KIAA0753: variants seen among roughly 807,000 people sequenced by gnomAD.
KIAA0753 encodes the protein protein moonraker.
KIAA0753 carries 114 observed loss-of-function variants against 116.9 expected under a neutral mutation model. That is an observed-to-expected ratio of 0.98 (90% CI 0.84 to 1.14). KIAA0753 has a LOEUF of 1.14. KIAA0753 is among the 50% of genes most tolerant of loss of function. KIAA0753 has a pLI of 0.00. For synonymous variants in KIAA0753, 405 were observed against 413.1 expected, an observed-to-expected ratio of 0.98 and a Z score of 0.24; for missense variants, 1,156 against 1,172.4, an observed-to-expected ratio of 0.99 and a Z score of 0.20.
intron 15 of KIAA0753, 34 bp from the exon 16 acceptor site, chr17:6,595,087 G>GA (rs1232424600): frequency 6.9e-7 from 1 of 1,449,672 alleles, no homozygotes; most frequent in Non-Finnish European, 9.6e-7. Context: ...TAATTTATGA[G>GA]AAAAAATGAG....
intron 16 of KIAA0753, among the ~76,000 whole-genome samples, chr17:6,591,055 A>AGAAGGAAGAAGGAAGAAG (rs1567540693): frequency 2.1e-4 from 13 of 63,372 alleles, no homozygotes; most frequent in South Asian, 1.5e-3. Flanking sequence ...AAGAAGAAGA[A>AGAAGGAAGAAGGAAGAAG]GAAGAAGAAG....
chr17:6,603,536 C>A (rs970217775), intron 12 of KIAA0753, among the ~76,000 whole-genome samples: 1 of 152,222 alleles, frequency 6.6e-6, no homozygotes, highest in Admixed American at 6.5e-5. Flanking sequence ...ACTTTCCACT[C>A]TTCTTCCTGT....
chr17:6,627,135 T>G (rs1971720938), intron 3 of KIAA0753, among the ~76,000 whole-genome samples: 1 of 152,220 alleles, frequency 6.6e-6, no homozygotes, highest in South Asian at 2.1e-4. Context: ...CACAATTGTT[T>G]TTTTCTGTCT....
chr17:6,592,460 A>G (rs12939931), intron 16 of KIAA0753, among the ~76,000 whole-genome samples: 47,818 of 152,078 alleles, frequency 0.31, 9,503 homozygotes, highest in African/African-American at 0.56. Context: ...CGATAAGCAC[A>G]AGTCAAACAG....
At chr17:6,590,742 C>T (rs1968935570) in intron 16 of KIAA0753, 112 bp from the exon 17 acceptor site, 1 of 1,127,730 alleles carries the variant, frequency 8.9e-7, no homozygotes. Context: ...ATCTCTTAAG[C>T]ACGACAGGGT....
intron 12 of KIAA0753, among the ~76,000 whole-genome samples, chr17:6,604,141 T>A (rs1021613527): frequency 1.3e-5 from 2 of 152,292 alleles, no homozygotes; most frequent in African/African-American, 4.8e-5. Context: ...TCTGGGCATT[T>A]ATCCCAGGAA....
chr17:6,616,111 A>C (rs745057), intron 7 of KIAA0753, among the ~76,000 whole-genome samples: 29,875 of 152,108 alleles, frequency 0.2, 3,186 homozygotes, highest in East Asian at 0.38. Context: ...AAGGACAAGA[A>C]AAAACAACAA....
At chr17:6,583,756 G>C (rs1442336767) in intron 18 of KIAA0753, among the ~76,000 whole-genome samples, 1 of 152,104 alleles carries the variant, frequency 6.6e-6, no homozygotes. Flanking sequence ...TTATTTCTAT[G>C]AATGCACTAG....
At chr17:6,609,967 C>G in intron 9 of KIAA0753, 27 bp downstream of exon 9, 2 of 1,612,124 alleles carry the variant, frequency 1.2e-6, no homozygotes, top group Non-Finnish European at 1.7e-6. Context: ...ATCACATACA[C>G]AAACGGTCCC....
At chr17:6,635,761 T>C (rs1972285469) in intron 1 of KIAA0753, 1 of 151,812 alleles carries the variant, frequency 6.6e-6, no homozygotes, top group Non-Finnish European at 1.5e-5. Context: ...ATAATAGATA[T>C]GAAAGCACTC....
intron 13 of KIAA0753, 84 bp from the exon 14 acceptor site, chr17:6,599,404 T>C: frequency 1.1e-6 from 1 of 942,782 alleles, no homozygotes; most frequent in East Asian, 2.6e-5. Context: ...CCAGAATGAC[T>C]TGTGTGGAAC....
In KIAA0753 at chr17:6,595,010, T is replaced by A; in HGVS notation, c.2402A>T (p.Tyr801Phe). Residue 801 changes from tyrosine to phenylalanine, a missense_variant, in exon 16 of 19, where the codon TAT (tyrosine) becomes TTT (phenylalanine). Tyr to Phe is a conservative substitution (Grantham distance 22). Coordinates refer to ENST00000361413, the MANE Select transcript of KIAA0753 (RefSeq NM_014804.3). Reference sequence around the variant, plus strand: ...CTGCATCCAAAGTCGAGGATCAGCATATGCGATTTTATTATATCTTTGACG... The same window carrying A: ...CTGCATCCAAAGTCGAGGATCAGCAAATGCGATTTTATTATATCTTTGACG... Reference protein sequence around the residue: ...SVRQRYNKIAYADPRLWMQEE... With the variant: ...SVRQRYNKIAFADPRLWMQEE... The A allele has an allele frequency of 6.2e-7, 1 of 1,612,678 alleles. No homozygotes were observed. The highest frequency in any genetic ancestry group is 8.5e-7 in the Non-Finnish European group (1 of 1,179,088).
rs1222086054 is a variant in KIAA0753 at position 6,589,820 on chromosome 17, A to G, written c.2745T>C (p.His915=). The G allele has an allele frequency of 1.1e-5, 18 of 1,613,826 alleles. No homozygotes were observed. Among genetic ancestry groups the G allele is most frequent in the Non-Finnish European group, 1.5e-5 (18 of 1,179,938 alleles). Residue 915 remains histidine (H), a synonymous_variant, in exon 18 of 19, where the codon CAT becomes CAC. Transcript: ENST00000361413. ...RFEQYLRIIS[H]EAVGSFNPWL... is the part of the protein sequence containing the mutation. Reference sequence around the variant, plus strand: ...ACGGGTTGAAGGAGCCTACAGCCTCATGAGATATGATCCGAAGGTACTGCT... The same window carrying G: ...ACGGGTTGAAGGAGCCTACAGCCTCGTGAGATATGATCCGAAGGTACTGCT...
intron 14 of KIAA0753, among the ~76,000 whole-genome samples, chr17:6,597,594 C>G (rs1358231349): frequency 6.6e-6 from 1 of 152,166 alleles, no homozygotes. Context: ...GTATGTATAA[C>G]TTTTAATTCT....
chr17:6,585,488 C>T (rs1393669769), intron 18 of KIAA0753, among the ~76,000 whole-genome samples: 1 of 152,194 alleles, frequency 6.6e-6, no homozygotes, highest in Non-Finnish European at 1.5e-5. Context: ...CTTTTTCCCA[C>T]ATTCTGGAAC....
chr17:6,583,404 G>A (rs1327300757), intron 18 of KIAA0753, among the ~76,000 whole-genome samples: 1 of 152,022 alleles, frequency 6.6e-6, no homozygotes. Flanking sequence ...TTGCTACTCT[G>A]GGGAAGTGAT....
chr17:6,615,050 C>T (rs960919407), intron 7 of KIAA0753, among the ~76,000 whole-genome samples: 10 of 152,164 alleles, frequency 6.6e-5, no homozygotes, highest in East Asian at 1.9e-4. Context: ...CCACCAGCCT[C>T]GGCCTCCCAA....
At chr17:6,605,291 C>T (rs1310559412) in intron 12 of KIAA0753, among the ~76,000 whole-genome samples, 1 of 152,178 alleles carries the variant, frequency 6.6e-6, no homozygotes, top group African/African-American at 2.4e-5. Context: ...CCCATCCCCA[C>T]AGTAGCTGAC....
At position 6,589,782 on chromosome 17, in the gene KIAA0753, T is replaced by C. The variant is rs1968855963; in HGVS notation, c.2783A>G (p.Glu928Gly). The change falls in exon 18 of 19, where the codon GAA (glutamate) becomes GGA (glycine). Residue 928 changes from glutamate (E) to glycine (G), a missense_variant. Physicochemically the swap from Glu to Gly is moderately conservative, Grantham distance 98. Coordinates refer to ENST00000361413, the MANE Select transcript of KIAA0753 (RefSeq NM_014804.3). The stretch of plus-strand genomic sequence containing the variant: ...AGGACCGTAACATTTTACTGACCTT[T>C]CAGCTATCAGCCACGGGTTGAAGGA... ...VGSFNPWLIA[E>G]SFSEELVDEA... The C allele has an allele frequency of 6.3e-7, 1 of 1,597,832 alleles. No homozygotes were observed. Among genetic ancestry groups the C allele is most frequent in the South Asian group, 1.1e-5 (1 of 87,764 alleles).
Sources: gnomAD v4.1 joint callset for allele counts (sites outside exome capture counted in the v4.1 genomes callset) on GRCh38, gnomAD v4.1.1 for gene constraint, MANE v1.5 for transcripts, NCBI Gene and HGNC (gene_info 2026-07-23, HGNC 2026-07-21) for gene names.